The following PARP8 variants were observed in gnomAD, a reference collection of about 807,000 sequenced individuals.
PARP8 encodes the protein poly(ADP-ribose) polymerase family member 8.
PARP8 carries 51 observed loss-of-function variants against 124.1 expected under a neutral mutation model. The observed-to-expected ratio is 0.41, with a 90% confidence interval of 0.33 to 0.52. PARP8 has a LOEUF of 0.52. PARP8 is among the 20% of genes least tolerant of loss of function. PARP8 has a pLI of 0.21. For synonymous variants in PARP8, 391 were observed against 361.5 expected (o/e 1.08, Z -0.93); for missense variants, 860 against 1,018.9 (o/e 0.84, Z 2.12).
At chr5:50,798,591 T>G (rs1450388577) in intron 14 of PARP8, among the ~76,000 whole-genome samples, 2 of 151,996 alleles carry the variant, frequency 1.3e-5, no homozygotes, top group Admixed American at 1.3e-4. Context: ...CGGCTGATTT[T>G]TTGTATTTTT....
intron 2 of PARP8, among the ~76,000 whole-genome samples, chr5:50,735,593 T>C (rs541294922): frequency 1.3e-5 from 2 of 152,306 alleles, no homozygotes; most frequent in South Asian, 4.1e-4. Flanking sequence ...AGACATAAAA[T>C]ACTTTTTATT....
intron 9 of PARP8, among the ~76,000 whole-genome samples, chr5:50,779,982 TTTTA>T (rs1238076883): frequency 1.3e-5 from 2 of 152,204 alleles, no homozygotes; most frequent in Non-Finnish European, 2.9e-5. Flanking sequence ...TTTAAAATAT[TTTTA>T]TTCTGATAAT....
At chr5:50,764,062 C>A (rs549576723) in intron 7 of PARP8, among the ~76,000 whole-genome samples, 1 of 152,292 alleles carries the variant, frequency 6.6e-6, no homozygotes, top group Admixed American at 6.5e-5. Context: ...TGTATTTAAG[C>A]CCCAGTCCAT....
chr5:50,836,420 G>A (rs759519148), intron 25 of PARP8, among the ~76,000 whole-genome samples: 2 of 152,102 alleles, frequency 1.3e-5, no homozygotes, highest in Non-Finnish European at 2.9e-5. Context: ...ATTTACAAGG[G>A]TATGATTATA....
chr5:50,732,429 CAAAG>C (rs1271813311), intron 2 of PARP8, among the ~76,000 whole-genome samples: 1 of 151,934 alleles, frequency 6.6e-6, no homozygotes, highest in Non-Finnish European at 1.5e-5. Flanking sequence ...AAAAACGGTT[CAAAG>C]AAAGTCTGAA....
intron 22 of PARP8, among the ~76,000 whole-genome samples, chr5:50,832,139 A>G (rs1002198120): frequency 5.9e-5 from 9 of 152,190 alleles, no homozygotes; most frequent in Admixed American, 3.3e-4. Flanking sequence ...AACAACTACA[A>G]AAATCAACAC....
At chr5:50,726,535 A>T (rs893241788) in intron 2 of PARP8, among the ~76,000 whole-genome samples, 1 of 152,172 alleles carries the variant, frequency 6.6e-6, no homozygotes, top group African/African-American at 2.4e-5. Flanking sequence ...ATTGCCAATG[A>T]TGTGTCAATT....
At chr5:50,747,969 C>CT (rs1438199211) in intron 2 of PARP8, among the ~76,000 whole-genome samples, 1 of 151,454 alleles carries the variant, frequency 6.6e-6, no homozygotes, top group African/African-American at 2.4e-5. Flanking sequence ...ATAGACCTTG[C>CT]TTTTTTATCC....
intron 14 of PARP8, among the ~76,000 whole-genome samples, chr5:50,808,815 C>CAT (rs935212355): frequency 2.6e-5 from 4 of 151,942 alleles, no homozygotes; most frequent in Non-Finnish European, 4.4e-5. Flanking sequence ...TGAGGATAAA[C>CAT]CTAGGTATGT....
intron 2 of PARP8, among the ~76,000 whole-genome samples, chr5:50,671,721 T>C (rs1750042253): frequency 6.6e-6 from 1 of 152,186 alleles, no homozygotes; most frequent in Non-Finnish European, 1.5e-5. Context: ...CATTAATTTC[T>C]TTCCTTTAGA....
intron 2 of PARP8, among the ~76,000 whole-genome samples, chr5:50,676,379 C>T (rs1447890831): frequency 6.6e-6 from 1 of 152,196 alleles, no homozygotes; most frequent in African/African-American, 2.4e-5. Context: ...CCTAACTTTT[C>T]TACATGAGGG....
At chr5:50,696,932 A>G (rs547892879) in intron 2 of PARP8, among the ~76,000 whole-genome samples, 1 of 152,162 alleles carries the variant, frequency 6.6e-6, no homozygotes, top group South Asian at 2.1e-4. Flanking sequence ...CCTTTATGGT[A>G]GTGAGACCCA....
At chr5:50,691,694 A>G (rs767693617) in intron 2 of PARP8, among the ~76,000 whole-genome samples, 1 of 152,112 alleles carries the variant, frequency 6.6e-6, no homozygotes. Context: ...GCTCAGATCT[A>G]TGTTCTGTGT....
At chr5:50,721,256 G>T (rs1755849617) in intron 2 of PARP8, among the ~76,000 whole-genome samples, 1 of 151,928 alleles carries the variant, frequency 6.6e-6, no homozygotes, top group Non-Finnish European at 1.5e-5. Flanking sequence ...GCTGCAGCTG[G>T]GAGTGCTTCC....
At chr5:50,778,319 T>C (rs1740270315) in intron 8 of PARP8, among the ~76,000 whole-genome samples, 190 bp downstream of exon 8, 1 of 152,196 alleles carries the variant, frequency 6.6e-6, no homozygotes, top group African/African-American at 2.4e-5. Flanking sequence ...TTTGCATTGG[T>C]TTTTCTAATG....
chr5:50,831,681 G>A (rs1156710496), intron 22 of PARP8, among the ~76,000 whole-genome samples: 1 of 152,058 alleles, frequency 6.6e-6, no homozygotes, highest in Non-Finnish European at 1.5e-5. Context: ...AAATCATCAA[G>A]TACTGTAATT....
intron 2 of PARP8, among the ~76,000 whole-genome samples, chr5:50,680,649 CAT>C (rs1369624102): frequency 1.3e-5 from 2 of 152,142 alleles, no homozygotes; most frequent in African/African-American, 4.8e-5. Context: ...TAAATAAAAA[CAT>C]TGCTGGCTTG....
At chr5:50,826,058 G>T (rs1746317107) in intron 18 of PARP8, among the ~76,000 whole-genome samples, 1 of 151,978 alleles carries the variant, frequency 6.6e-6, no homozygotes, top group South Asian at 2.1e-4. Context: ...TATTCAGATT[G>T]AAGGTAAAAA....
intron 1 of PARP8, chr5:50,667,735 T>C: frequency 1.4e-6 from 1 of 704,458 alleles, no homozygotes; most frequent in Non-Finnish European, 2.6e-6. Context: ...CCAGCGCCCC[T>C]GCCTGGGGGT....
Sources: allele counts gnomAD v4.1 joint callset (sites outside exome capture counted in the v4.1 genomes callset), GRCh38; gene constraint gnomAD v4.1.1; transcripts MANE v1.5; gene names NCBI Gene and HGNC (gene_info 2026-07-23, HGNC 2026-07-21).